CCDC170: variants seen among roughly 807,000 people sequenced by gnomAD.
CCDC170 encodes the protein coiled-coil domain containing 170, also known as coiled-coil domain-containing protein 170.
CCDC170 carries 69 observed loss-of-function variants against 72.6 expected under a neutral mutation model. The observed-to-expected ratio is 0.95, with a 90% CI of 0.78 to 1.16. CCDC170 has a LOEUF of 1.16. Ranked by LOEUF, CCDC170 falls within the 50% of genes most tolerant of loss-of-function variation. The probability of loss-of-function intolerance (pLI) is 0.00; values close to 1 mark genes in which losing one functional copy is unlikely to be tolerated. For missense variants in CCDC170, 852 were observed against 832.5 expected (o/e 1.02, Z -0.29); for synonymous variants, 300 against 303.9 (o/e 0.99, Z 0.13).
intron 1 of CCDC170, among the ~76,000 whole-genome samples, chr6:151,507,851 T>G (rs963958798): frequency 2.4e-3 from 351 of 148,440 alleles, no homozygotes; most frequent in Non-Finnish European, 4.1e-3. Flanking sequence ...AACCAGGGAG[T>G]CGGAGGTTGC....
At chr6:151,587,439 C>T (rs779640230) in intron 7 of CCDC170, among the ~76,000 whole-genome samples, 18 of 151,796 alleles carry the variant, frequency 1.2e-4, no homozygotes, top group South Asian at 4.2e-4. Flanking sequence ...GACAGGATGG[C>T]GGGGAAAGTA....
Position 151,544,549 on chromosome 6 carries a change from CTTAT to C in CCDC170, c.444-20_444-17del, listed in dbSNP as rs1290342099. 4.4e-6 allele frequency: 7 copies of C among 1,598,654 alleles called. No homozygotes were observed. In the African/African-American group the frequency reaches 6.7e-5, roughly 15 times the overall value. ...TATCTTCCATGGTGTTAAATTCTGA[CTTAT>C]TTGTTATTTGCCTAACAGAAAGTGT... On this transcript the variant is annotated intron_variant, in intron 3 of 10. Coordinates refer to ENST00000239374, the MANE Select transcript of CCDC170 (RefSeq NM_025059.4).
At chr6:151,497,218 C>T (rs967712266) in intron 1 of CCDC170, among the ~76,000 whole-genome samples, 5 of 152,002 alleles carry the variant, frequency 3.3e-5, no homozygotes, top group South Asian at 2.1e-4. Flanking sequence ...GGCAAAACCC[C>T]GTCTCTACAA....
At chr6:151,496,303 A>G (rs560427875) in intron 1 of CCDC170, among the ~76,000 whole-genome samples, 42 of 152,354 alleles carry the variant, frequency 2.8e-4, no homozygotes, top group Non-Finnish European at 1.5e-4. Flanking sequence ...TTAGCAATAA[A>G]TAAGAAATCA....
rs1214855386 is a variant in CCDC170 at position 151,494,025 on chromosome 6, T to A, written c.-104T>A. ...CGCGCCGCCGCGTCCCCGCGGTGTT[T>A]ACCCGTTGCCCGAGGAGACACCCGC... On this transcript the variant is annotated 5_prime_UTR_variant, in exon 1 of 11. Coordinates refer to ENST00000239374, the MANE Select transcript of CCDC170 (RefSeq NM_025059.4). 30 of 1,160,894 alleles carry A rather than the reference T, an allele frequency of 2.6e-5. No individual in the cohort carries two copies. In the South Asian group the frequency reaches 4.2e-4, roughly 16 times the overall value. 71.9% of individuals were successfully genotyped at this position (1,160,894 alleles called of 1,614,324 possible).
At chr6:151,560,218 CA>C (rs1219481554) in intron 5 of CCDC170, among the ~76,000 whole-genome samples, 1 of 152,064 alleles carries the variant, frequency 6.6e-6, no homozygotes, top group African/African-American at 2.4e-5. Flanking sequence ...ATTGTTTACT[CA>C]AAAGTCATTA....
intron 1 of CCDC170, among the ~76,000 whole-genome samples, chr6:151,496,053 T>C (rs1250653974): frequency 1.3e-5 from 2 of 152,206 alleles, no homozygotes; most frequent in South Asian, 2.1e-4. Flanking sequence ...TCTTCACATT[T>C]TTTTTGTTTG....
At chr6:151,551,498 A>C (rs879462320) in intron 5 of CCDC170, among the ~76,000 whole-genome samples, 1 of 152,126 alleles carries the variant, frequency 6.6e-6, no homozygotes, top group Admixed American at 6.5e-5. Context: ...ATCACTTTTG[A>C]TATTAGGTTA....
chr6:151,577,727 G>A (rs547079507), intron 6 of CCDC170, among the ~76,000 whole-genome samples: 16 of 152,366 alleles, frequency 1.1e-4, no homozygotes, highest in South Asian at 2.1e-4. Flanking sequence ...ACAGGAGGAG[G>A]TGAGCGGTGG....
Position 151,524,233 on chromosome 6 carries a change from C to G in CCDC170, c.58-12085C>G, listed in dbSNP as rs574838446. Among the ~76,000 whole-genome samples the G allele has an allele frequency of 1.3e-3, 194 of 152,304 alleles. 1 individual carries two copies. The highest frequency in any genetic ancestry group is 4.1e-3 in the African/African-American group (171 of 41,566). The stretch of plus-strand genomic sequence containing the variant: ...TTGCAGGCATGTCTGGGCAAGCCCC[C>G]CTGTGCAAGTTCCCTTATCTGTGCC... On this transcript the variant is annotated intron_variant, in intron 1 of 10. Coordinates refer to ENST00000239374, the MANE Select transcript of CCDC170 (RefSeq NM_025059.4).
At chr6:151,585,754 T>C in intron 6 of CCDC170, 135 bp from the exon 7 acceptor site, 1 of 728,250 alleles carries the variant, frequency 1.4e-6, no homozygotes, top group Non-Finnish European at 2.1e-6. Context: ...CAATTACATA[T>C]TTTAAATGGG....
chr6:151,547,601 G>A (rs9371534), intron 4 of CCDC170, among the ~76,000 whole-genome samples: 92,225 of 151,766 alleles, frequency 0.61, 30,323 homozygotes, highest in Admixed American at 0.72. Flanking sequence ...TCACTTCCAC[G>A]GAGAGTCTCA....
chr6:151,524,822 A>G lies in CCDC170; in HGVS notation c.58-11496A>G, dbSNP rs372348918. 4.6e-5 allele frequency among the ~76,000 whole-genome samples: 7 copies of G among 152,210 alleles called. No homozygotes were observed. The South Asian group carries it at 1.2e-3, about 27-fold the overall frequency. The stretch of plus-strand genomic sequence containing the variant: ...TTTGGTATGTACTTTTAAGACATAA[A>G]TGGTGTCATACTGTTAGTTTTGTTC... On this transcript the variant is annotated intron_variant, in intron 1 of 10. Coordinates refer to ENST00000239374, the MANE Select transcript of CCDC170 (RefSeq NM_025059.4).
chr6:151,527,572 G>C (rs1782429796), intron 1 of CCDC170, among the ~76,000 whole-genome samples: 1 of 152,136 alleles, frequency 6.6e-6, no homozygotes, highest in African/African-American at 2.4e-5. Context: ...TGTAAATTAG[G>C]GAAGAAACTT....
rs541604700 is a variant in CCDC170, at chr6:151,611,827, C to T, written c.1711-3616C>T. On this transcript the variant is annotated intron_variant, in intron 9 of 10. Coordinates refer to ENST00000239374, the MANE Select transcript of CCDC170 (RefSeq NM_025059.4). ...CTGGGTTCAAGTGATTCTCCTGCCT[C>T]AGCCTCCTGAGTAGCCGGGAGTACA... Among the ~76,000 whole-genome samples, 17 of 152,250 alleles carry T rather than the reference C, an allele frequency of 1.1e-4. No homozygotes were observed. The South Asian group carries it at 2.7e-3, about 24-fold the overall frequency.
In CCDC170 at chr6:151,620,812, T is replaced by C. The variant is rs1464867729; in HGVS notation, c.*2665T>C. On this transcript the variant is annotated 3_prime_UTR_variant, in exon 11 of 11. Coordinates refer to ENST00000239374, the MANE Select transcript of CCDC170 (RefSeq NM_025059.4). The stretch of plus-strand genomic sequence containing the variant: ...TATTTTAAAAACATGAAATTTTTTT[T>C]TCATTTTTGATTTGATATCATTAAT... 2 of 152,226 alleles carry C rather than the reference T, an allele frequency of 1.3e-5. No individual in the cohort carries two copies. Among genetic ancestry groups the C allele is most frequent in the African/African-American group, 4.8e-5 (2 of 41,460 alleles). 9.4% of individuals were successfully genotyped at this position (152,226 alleles called of 1,614,324 possible).
At chr6:151,519,738 G>A (rs115178070) in intron 1 of CCDC170, among the ~76,000 whole-genome samples, 1,883 of 152,258 alleles carry the variant, frequency 0.012, 30 homozygotes, top group African/African-American at 0.043. Flanking sequence ...AAAGGGATGA[G>A]GAATTCCCAG....
chr6:151,568,259 T>C (rs1287740626), intron 5 of CCDC170, among the ~76,000 whole-genome samples: 1 of 152,136 alleles, frequency 6.6e-6, no homozygotes, highest in Non-Finnish European at 1.5e-5. Context: ...GGTACCAGAA[T>C]GTAAGTTTGA....
At chr6:151,596,949 C>T (rs914088438) in intron 9 of CCDC170, among the ~76,000 whole-genome samples, 5 of 152,020 alleles carry the variant, frequency 3.3e-5, no homozygotes, top group African/African-American at 7.3e-5. Context: ...GCCTCAGCCT[C>T]CTGAGTAGCC....
Sources: gnomAD v4.1 joint callset for allele counts (sites outside exome capture counted in the v4.1 genomes callset) on GRCh38, gnomAD v4.1.1 for gene constraint, MANE v1.5 for transcripts, NCBI Gene and HGNC (gene_info 2026-07-23, HGNC 2026-07-21) for gene names.